VWA3A: variants seen among roughly 807,000 people sequenced by gnomAD.
The protein encoded by VWA3A is von Willebrand factor A domain-containing protein 3A.
In VWA3A, 134 loss-of-function variants were observed where a neutral mutation model predicts 160.4. That is an observed-to-expected ratio of 0.84 (90% confidence interval 0.73 to 0.96). VWA3A has a LOEUF of 0.96. VWA3A is among the 40% of genes least tolerant of loss of function. The pLI, the probability that VWA3A is intolerant of heterozygous loss-of-function variation, is 0.00. For synonymous variants in VWA3A, 476 were observed against 543.4 expected (o/e 0.88, Z 1.72); for missense variants, 1,310 against 1,447.9 (o/e 0.90, Z 1.55).
intron 6 of VWA3A, among the ~76,000 whole-genome samples, chr16:22,104,746 G>C (rs572822326): frequency 1.7e-4 from 26 of 152,090 alleles, no homozygotes; most frequent in Non-Finnish European, 1.8e-4. Flanking sequence ...AGTGACCATG[G>C]GCAAATGAAC....
At chr16:22,131,099 A>C in intron 17 of VWA3A, 106 bp from the exon 18 acceptor site, 1 of 950,310 alleles carries the variant, frequency 1.1e-6, no homozygotes, top group Non-Finnish European at 1.7e-6. Context: ...ATTTTAGGGG[A>C]TCTCATCAGA....
intron 1 of VWA3A, among the ~76,000 whole-genome samples, chr16:22,095,964 A>G (rs892501062): frequency 1.1e-4 from 16 of 152,252 alleles, no homozygotes; most frequent in Admixed American, 2.0e-4. Flanking sequence ...CCTCTAGAAT[A>G]TAAGCGCTGG....
At chr16:22,097,550 C>G in intron 2 of VWA3A, 22 bp from the exon 3 acceptor site, 1 of 1,550,496 alleles carries the variant, frequency 6.4e-7, no homozygotes, top group Non-Finnish European at 8.7e-7. Flanking sequence ...GGGCATTGAT[C>G]AAATTACTTT....
At chr16:22,121,403 C>A in intron 13 of VWA3A, 111 bp from the exon 14 acceptor site, 1 of 897,604 alleles carries the variant, frequency 1.1e-6, no homozygotes. Flanking sequence ...ATGATTGTGC[C>A]ACTGCACTCT....
intron 14 of VWA3A, among the ~76,000 whole-genome samples, chr16:22,122,292 GATGGATGGATGGATGGATGC>G (rs1183337904): frequency 6.6e-6 from 1 of 151,762 alleles, no homozygotes; most frequent in African/African-American, 2.4e-5. Context: ...TGGATGGATG[GATGGATGGATGGATGGATGC>G]ATGGATGGAT....
chr16:22,096,717 C>T, intron 1 of VWA3A, 142 bp from the exon 2 acceptor site: 1 of 587,894 alleles, frequency 1.7e-6, no homozygotes, highest in Non-Finnish European at 3.0e-6. Flanking sequence ...TGTACTCCAG[C>T]CTGGGCAACT....
intron 17 of VWA3A, among the ~76,000 whole-genome samples, chr16:22,128,005 G>T (rs1384925616): frequency 6.6e-6 from 1 of 152,148 alleles, no homozygotes; most frequent in African/African-American, 2.4e-5. Context: ...TGGGAATGAT[G>T]GGGTCCTAGG....
chr16:22,151,793 C>A (rs981364550), intron 30 of VWA3A, among the ~76,000 whole-genome samples: 1 of 151,994 alleles, frequency 6.6e-6, no homozygotes, highest in African/African-American at 2.4e-5. Flanking sequence ...TTATTATTAG[C>A]AAAACAGACT....
rs563430809 is a variant in VWA3A, at chr16:22,120,634, G to C, written c.1117-334G>C. 4.6e-5 allele frequency among the ~76,000 whole-genome samples: 7 copies of C among 152,282 alleles called. No individual in the cohort carries two copies. The East Asian group carries it at 1.4e-3, about 29-fold the overall frequency. On this transcript the variant is annotated intron_variant, in intron 12 of 33. Transcript: ENST00000389398. ...AATGTGGCCACAGGGTGGCCAGGTG[G>C]GAGCTCACTAAGTGATTTGCTGCAG...
rs941607263 is a variant in VWA3A, at chr16:22,131,798, C to T, written c.1872+69C>T. 5.2e-6 allele frequency: 8 copies of T among 1,532,108 alleles called. No homozygotes were observed. The Middle Eastern group carries it at 1.1e-3, about 202-fold the overall frequency. 94.9% of individuals were successfully genotyped at this position (1,532,108 alleles called of 1,614,324 possible). On this transcript the variant is annotated intron_variant, in intron 19 of 33. Transcript: ENST00000389398. ...CATCCGTCTTCCCCCAGGTGGATACCTTGCCAAGGTTTCTGCAGCATGATT... is the reference window on the plus strand; with the variant it reads ...CATCCGTCTTCCCCCAGGTGGATACTTTGCCAAGGTTTCTGCAGCATGATT...
chr16:22,100,092 A>C, intron 3 of VWA3A, 102 bp from the exon 4 acceptor site: 1 of 1,316,168 alleles, frequency 7.6e-7, no homozygotes. Flanking sequence ...AAAAAAAGAT[A>C]GGGTCAGTCT....
chr16:22,134,486 T>A (rs371455090), intron 21 of VWA3A, 48 bp downstream of exon 21: 3 of 1,479,578 alleles, frequency 2.0e-6, no homozygotes, highest in Non-Finnish European at 2.7e-6. Context: ...TTGTATTCAT[T>A]TCCTGGGGCT....
chr16:22,102,366 G>C (rs982408781), intron 5 of VWA3A, among the ~76,000 whole-genome samples: 13 of 151,878 alleles, frequency 8.6e-5, no homozygotes, highest in African/African-American at 3.1e-4. Flanking sequence ...AAAAGAAGAA[G>C]AAGATAAAAA....
rs2045879956 is a variant in VWA3A at position 22,127,906 on chromosome 16, AC to A, written c.1652+1610del. On this transcript the variant is annotated intron_variant, in intron 17 of 33. Coordinates refer to ENST00000389398, the MANE Select transcript of VWA3A (RefSeq NM_173615.5). ...ATCAGTGGCAGGATCAGTCCATTCC[AC>A]TTGGGTGGAGTAGGCTCAGGACATC... Among the ~76,000 whole-genome samples, 17 of 152,298 alleles carry A rather than the reference AC, an allele frequency of 1.1e-4. No individual in the cohort carries two copies. In the South Asian group the frequency reaches 3.5e-3, roughly 32 times the overall value.
At chr16:22,123,266 C>T in intron 15 of VWA3A, 101 bp downstream of exon 15, 1 of 1,239,774 alleles carries the variant, frequency 8.1e-7, no homozygotes, top group South Asian at 1.4e-5. Flanking sequence ...GACTCAACTC[C>T]CTCTTGTAAA....
chr16:22,142,613 T>G, intron 24 of VWA3A, 55 bp from the exon 25 acceptor site: 3 of 1,387,284 alleles, frequency 2.2e-6, no homozygotes, highest in Non-Finnish European at 3.0e-6. Flanking sequence ...TTCATGAGGT[T>G]TGCAGGGGCT....
chr16:22,113,129 G>T (rs1440202906), intron 8 of VWA3A, among the ~76,000 whole-genome samples: 2 of 152,106 alleles, frequency 1.3e-5, no homozygotes, highest in Non-Finnish European at 2.9e-5. Context: ...ATAACCCTAT[G>T]TCATATCTTT....
At chr16:22,145,956 G>C (rs185130884) in intron 26 of VWA3A, among the ~76,000 whole-genome samples, 6 of 151,912 alleles carry the variant, frequency 3.9e-5, no homozygotes, top group Non-Finnish European at 8.8e-5. Context: ...CCAAGCAGCT[G>C]GGACCACAGA....
intron 14 of VWA3A, among the ~76,000 whole-genome samples, 200 bp downstream of exon 14, chr16:22,121,817 G>T (rs2045740029): frequency 6.6e-6 from 1 of 152,102 alleles, no homozygotes; most frequent in African/African-American, 2.4e-5. Context: ...AGGCAAGAGG[G>T]ATAAATCAGG....
Sources: allele counts gnomAD v4.1 joint callset (sites outside exome capture counted in the v4.1 genomes callset), GRCh38; gene constraint gnomAD v4.1.1; transcripts MANE v1.5; gene names NCBI Gene and HGNC (gene_info 2026-07-23, HGNC 2026-07-21).